The following PALMD variants were observed in gnomAD, a reference collection of about 807,000 sequenced individuals.
PALMD encodes the protein palmdelphin, also known as paralemmin-like protein.
Under a neutral mutation model 56.2 loss-of-function variants are expected in PALMD, and 42 were observed. The observed-to-expected ratio is 0.75, with a 90% CI of 0.58 to 0.97. PALMD has a LOEUF of 0.97. Among genes scored for constraint, PALMD ranks in the 50% least tolerant of loss-of-function variants. The pLI is 0.00. For synonymous variants in PALMD, 242 were observed against 222.9 expected (o/e 1.09, Z -0.76); for missense variants, 660 against 643.8 (o/e 1.03, Z -0.27).
chr1:99,655,925 AACACACACGCACACAC>A (rs974354187), intron 1 of PALMD, among the ~76,000 whole-genome samples: 3 of 131,652 alleles, frequency 2.3e-5, no homozygotes, highest in African/African-American at 8.3e-5. Context: ...TTCTCAGCAT[AACACACACGCACACAC>A]ACACACATGC....
In PALMD at chr1:99,687,083, T is replaced by C. The variant is rs1214340243; in HGVS notation, c.408T>C (p.Ile136=). Residue 136 remains isoleucine, a synonymous_variant, in exon 6 of 8, where the codon ATT becomes ATC. Transcript: ENST00000263174. ...TTCATATTAATTTTACAGAGTCAAT[T>C]GAGGACATCTATGCTAATATCCCTG... ...VEREERAEES[I]EDIYANIPDL... The C allele has an allele frequency of 3.1e-6, 5 of 1,588,014 alleles. No homozygotes were observed. In the African/African-American group the frequency reaches 5.4e-5, roughly 17 times the overall value.
At chr1:99,685,360 C>G (rs559113123) in intron 3 of PALMD, 1 of 152,278 alleles carries the variant, frequency 6.6e-6, no homozygotes, top group Admixed American at 6.5e-5. Flanking sequence ...ATCCCCACAG[C>G]TCTGCTGAAG....
At chr1:99,668,275 G>C (rs1039976716) in intron 3 of PALMD, 3 of 153,312 alleles carry the variant, frequency 2.0e-5, no homozygotes, top group African/African-American at 7.2e-5. Context: ...AAAGGCCACA[G>C]TAGAAATTTT....
Position 99,646,275 on chromosome 1 carries a change from G to A in PALMD, c.-43G>A. The stretch of plus-strand genomic sequence containing the variant: ...CCAGGAGGCTCCTTGATTTATGGTA[G>A]CTTTGGACTTGCTTCCCCGTCTGAC... On this transcript the variant is annotated 5_prime_UTR_variant, in exon 1 of 8. Transcript: ENST00000263174. The A allele has an allele frequency of 6.4e-7, 1 of 1,566,672 alleles. No individual in the cohort carries two copies. Among genetic ancestry groups the A allele is most frequent in the Non-Finnish European group, 8.8e-7 (1 of 1,137,020 alleles).
At position 99,646,234 on chromosome 1, in the gene PALMD, C is replaced by A. The variant is rs1302583584; in HGVS notation, c.-84C>A. ...ATTTCTCCCTGCTTCTCTTCTGTCA[C>A]CCCCGCTCCTCTCCCCCAGGAGGCT... On this transcript the variant is annotated 5_prime_UTR_variant, in exon 1 of 8. Transcript: ENST00000263174. The A allele has an allele frequency of 9.5e-7, 1 of 1,053,080 alleles. No homozygotes were observed. The highest frequency in any genetic ancestry group is 1.3e-5 in the South Asian group (1 of 78,950). The allele number at this position is 1,053,080 out of a possible 1,614,324, so 65.2% of individuals were successfully genotyped here.
intron 1 of PALMD, among the ~76,000 whole-genome samples, chr1:99,650,543 C>A (rs148147444): frequency 7.4e-4 from 113 of 152,300 alleles, no homozygotes; most frequent in South Asian, 3.9e-3. Context: ...TCTCTGGGCA[C>A]TCTACCTCAT....
intron 3 of PALMD, among the ~76,000 whole-genome samples, chr1:99,672,177 A>G (rs1420775529): frequency 6.6e-6 from 1 of 152,178 alleles, no homozygotes; most frequent in Non-Finnish European, 1.5e-5. Flanking sequence ...GAGAGGCAAC[A>G]TTTCAGAAAA....
intron 3 of PALMD, chr1:99,685,908 T>C (rs1160349876): frequency 1.3e-5 from 2 of 152,172 alleles, no homozygotes; most frequent in African/African-American, 4.8e-5. Flanking sequence ...TTCATTTGAA[T>C]CTGACACGCA....
intron 3 of PALMD, among the ~76,000 whole-genome samples, chr1:99,677,957 G>A (rs1653250533): frequency 6.6e-6 from 1 of 152,148 alleles, no homozygotes; most frequent in Admixed American, 6.6e-5. Flanking sequence ...GCAAGGACAA[G>A]TGTGTCCCTG....
intron 3 of PALMD, among the ~76,000 whole-genome samples, chr1:99,671,474 T>C (rs1653086256): frequency 6.6e-6 from 1 of 152,034 alleles, no homozygotes. Context: ...CACATGGAGG[T>C]GTACAAAAAA....
intron 3 of PALMD, among the ~76,000 whole-genome samples, chr1:99,681,648 C>T (rs1421781285): frequency 6.6e-6 from 1 of 152,094 alleles, no homozygotes; most frequent in African/African-American, 2.4e-5. Flanking sequence ...TCCAGGATTC[C>T]TCAACCTCAG....
chr1:99,681,909 T>C (rs1653355615), intron 3 of PALMD, among the ~76,000 whole-genome samples: 1 of 152,162 alleles, frequency 6.6e-6, no homozygotes, highest in Non-Finnish European at 1.5e-5. Context: ...CAATTTTTGT[T>C]TTATGCTCCT....
chr1:99,688,907 C>A lies in PALMD; in HGVS notation c.647C>A (p.Ser216Ter). 1 of 1,613,674 alleles carries A rather than the reference C, an allele frequency of 6.2e-7. No homozygotes were observed. The highest frequency in any genetic ancestry group is 1.1e-5 in the South Asian group (1 of 91,058). ...AAAGTTTATGATGATGGGCAAAAGT[C>A]AGTGTATGCAGTAAGTTCTAATCAC... ...GIKVYDDGQK[S>*]VYAVSSNHSA... Residue 216 changes from serine (S) to a stop codon, truncating the protein, a stop_gained, in exon 7 of 8, where the codon TCA becomes TAA. Coordinates refer to ENST00000263174, the MANE Select transcript of PALMD (RefSeq NM_017734.5). LOFTEE classifies it high-confidence loss of function.
chr1:99,688,635 T>A, intron 6 of PALMD, 140 bp from the exon 7 acceptor site: 1 of 589,146 alleles, frequency 1.7e-6, no homozygotes, highest in Non-Finnish European at 2.9e-6. Flanking sequence ...ATGAGTAAAA[T>A]CAGAAATTTA....
At chr1:99,681,623 G>C (rs1018190878) in intron 3 of PALMD, among the ~76,000 whole-genome samples, 2 of 152,022 alleles carry the variant, frequency 1.3e-5, no homozygotes, top group Non-Finnish European at 2.9e-5. Flanking sequence ...ACTATACCAG[G>C]CATTCTTTTA....
chr1:99,693,969 A>C (rs757741079), intron 7 of PALMD, 50 bp from the exon 8 acceptor site: 1 of 1,382,636 alleles, frequency 7.2e-7, no homozygotes, highest in Admixed American at 1.9e-5. Flanking sequence ...ATTTAGAGTA[A>C]AAATTGAGGA....
chr1:99,665,729 T>C (rs540443466), intron 2 of PALMD, among the ~76,000 whole-genome samples: 3 of 152,122 alleles, frequency 2.0e-5, no homozygotes, highest in Admixed American at 6.6e-5. Context: ...AAAACTTACT[T>C]CTATAGGTGT....
chr1:99,678,406 AG>A (rs1347096852), intron 3 of PALMD, among the ~76,000 whole-genome samples: 2 of 152,152 alleles, frequency 1.3e-5, no homozygotes, highest in Non-Finnish European at 2.9e-5. Context: ...CGCCTGGCCC[AG>A]TAACTCATCT....
intron 3 of PALMD, among the ~76,000 whole-genome samples, chr1:99,683,064 G>A (rs1271255355): frequency 5.4e-4 from 9 of 16,692 alleles, no homozygotes; most frequent in East Asian, 3.3e-3. Context: ...AAGAGAGAGA[G>A]AGAGAGAGAG....
Sources: gnomAD v4.1 joint callset for allele counts (sites outside exome capture counted in the v4.1 genomes callset) on GRCh38, gnomAD v4.1.1 for gene constraint, MANE v1.5 for transcripts, NCBI Gene and HGNC (gene_info 2026-07-23, HGNC 2026-07-21) for gene names.